Variants in CFAP251 observed in about 807,000 individuals in gnomAD.
CFAP251 encodes the protein cilia- and flagella-associated protein 251.
CFAP251 carries 93 observed loss-of-function variants against 126.7 expected under a neutral mutation model. The ratio of observed to expected loss-of-function variants is 0.73; its 90% confidence interval spans 0.62 to 0.87. The LOEUF (loss-of-function observed/expected upper bound fraction) is 0.87, where lower values mean the gene tolerates loss of function less well. Among genes scored for constraint, CFAP251 ranks in the 40% least tolerant of loss-of-function variants. CFAP251 has a pLI of 0.00. For missense variants in CFAP251, 1,287 were observed against 1,389.2 expected (o/e 0.93, Z 1.17); for synonymous variants, 503 against 506.9 (o/e 0.99, Z 0.10).
intron 19 of CFAP251, among the ~76,000 whole-genome samples, chr12:121,979,772 G>A (rs1366330467): frequency 6.6e-6 from 1 of 151,908 alleles, no homozygotes; most frequent in African/African-American, 2.4e-5. Context: ...CACCATGTTG[G>A]CCAGGCTGGT....
chr12:121,978,381 A>G (rs1171526286), intron 19 of CFAP251, among the ~76,000 whole-genome samples: 358 of 132,974 alleles, frequency 2.7e-3, no homozygotes, highest in Middle Eastern at 7.6e-3. Flanking sequence ...GCGACAGAGC[A>G]AGACTCTGTC....
At chr12:121,943,569 C>T (rs1305945337) in intron 7 of CFAP251, among the ~76,000 whole-genome samples, 6 of 151,874 alleles carry the variant, frequency 4.0e-5, no homozygotes, top group Non-Finnish European at 5.9e-5. Context: ...ATTACAGGCA[C>T]GTGCCACCAC....
intron 14 of CFAP251, 89 bp downstream of exon 14, chr12:121,960,847 C>A: frequency 2.1e-6 from 3 of 1,435,208 alleles, no homozygotes; most frequent in Non-Finnish European, 2.9e-6. Flanking sequence ...GCCAGGCCCA[C>A]AGTACGTGTG....
chr12:121,919,817 G>A (rs1880082233), intron 1 of CFAP251, among the ~76,000 whole-genome samples: 1 of 152,186 alleles, frequency 6.6e-6, no homozygotes, highest in East Asian at 1.9e-4. Flanking sequence ...AGGCTACAAG[G>A]TGTTTATTCC....
At chr12:121,961,842 G>A in intron 14 of CFAP251, 136 bp from the exon 15 acceptor site, 2 of 841,280 alleles carry the variant, frequency 2.4e-6, no homozygotes, top group Non-Finnish European at 3.7e-6. Flanking sequence ...TCTCTTAGGA[G>A]ACCTGATACC....
At chr12:121,933,586 G>A (rs1268234721) in intron 4 of CFAP251, 1 of 152,512 alleles carries the variant, frequency 6.6e-6, no homozygotes, top group Non-Finnish European at 1.5e-5. Flanking sequence ...AGGAGGCTGA[G>A]GTGGGTATAT....
At chr12:121,968,917 A>G in intron 17 of CFAP251, 1 of 985,404 alleles carries the variant, frequency 1.0e-6, no homozygotes, top group Non-Finnish European at 1.2e-6. Context: ...AATCTTCCCT[A>G]ATAAAGAGGG....
At chr12:121,942,844 C>T in intron 6 of CFAP251, 51 bp from the exon 7 acceptor site, 3 of 1,597,912 alleles carry the variant, frequency 1.9e-6, no homozygotes, top group Non-Finnish European at 2.6e-6. Context: ...TAAGTTACTT[C>T]AGCAGACTTC....
intron 19 of CFAP251, among the ~76,000 whole-genome samples, chr12:121,979,598 T>C (rs1882567049): frequency 1.9e-5 from 2 of 105,698 alleles, no homozygotes; most frequent in Non-Finnish European, 1.9e-5. Context: ...AGCATCTTGC[T>C]CTGTCACGCA....
At chr12:121,976,641 C>T (rs1380951696) in intron 19 of CFAP251, among the ~76,000 whole-genome samples, 1 of 152,146 alleles carries the variant, frequency 6.6e-6, no homozygotes, top group Non-Finnish European at 1.5e-5. Flanking sequence ...TGTGGCAGCT[C>T]ACGCCTATAA....
chr12:121,986,676 G>A (rs998084077), intron 19 of CFAP251, among the ~76,000 whole-genome samples: 2 of 150,652 alleles, frequency 1.3e-5, no homozygotes, highest in Admixed American at 1.3e-4. Flanking sequence ...GAGGTGGGAG[G>A]ATCACATGAG....
At chr12:121,964,698 G>A (rs1592990409) in intron 15 of CFAP251, among the ~76,000 whole-genome samples, 1 of 151,794 alleles carries the variant, frequency 6.6e-6, no homozygotes, top group Non-Finnish European at 1.5e-5. Context: ...TCAGGAGTTC[G>A]AGACCAGCCT....
chr12:121,998,481 A>G (rs1194292634), intron 19 of CFAP251: 3 of 68,436 alleles, frequency 4.4e-5, no homozygotes, highest in South Asian at 1.0e-3. Flanking sequence ...ATATATATAT[A>G]TATATATGAT....
Position 121,953,673 on chromosome 12 carries a change from A to G in CFAP251, c.1321-447A>G, listed in dbSNP as rs183824322. ...TAGAGAATCGGGCAGCATAGAGAAT[A>G]GGGCATTTCTATGTACAGTGCTTAA... is the stretch of plus-strand genomic sequence containing the variant. On this transcript the variant is annotated intron_variant, in intron 9 of 21. Coordinates refer to ENST00000288912, the MANE Select transcript of CFAP251 (RefSeq NM_144668.6). The G allele has an allele frequency of 9.4e-4, 153 of 162,666 alleles. 2 individuals carry two copies. The East Asian group carries it at 0.024, about 26-fold the overall frequency. The allele number at this position is 162,666 out of a possible 1,614,324, so 10.1% of individuals were successfully genotyped here.
chr12:121,977,799 C>CA (rs533109011), intron 19 of CFAP251, among the ~76,000 whole-genome samples: 26 of 136,002 alleles, frequency 1.9e-4, no homozygotes, highest in African/African-American at 3.8e-4. Flanking sequence ...ATGAAAAATA[C>CA]AAAAAAAAAA....
At chr12:121,934,876 A>G (rs1481087902) in intron 5 of CFAP251, among the ~76,000 whole-genome samples, 1 of 152,212 alleles carries the variant, frequency 6.6e-6, no homozygotes, top group Non-Finnish European at 1.5e-5. Flanking sequence ...GCGCAATCAT[A>G]GCTCATTGCA....
At chr12:121,993,745 G>A (rs1882940867) in intron 19 of CFAP251, among the ~76,000 whole-genome samples, 1 of 151,324 alleles carries the variant, frequency 6.6e-6, no homozygotes, top group African/African-American at 2.4e-5. Context: ...CACCCCGTCT[G>A]AGAAGTGAGG....
chr12:121,937,105 C>T (rs1459247554), intron 5 of CFAP251, among the ~76,000 whole-genome samples: 1 of 152,174 alleles, frequency 6.6e-6, no homozygotes, highest in Non-Finnish European at 1.5e-5. Context: ...AACAAATTAC[C>T]TCAAACGATT....
In CFAP251 at chr12:122,003,787, A is replaced by T; in HGVS notation, c.*23A>T. 1 of 1,580,990 alleles carries T rather than the reference A, an allele frequency of 6.3e-7. No homozygotes were observed. The highest frequency in any genetic ancestry group is 2.3e-5 in the East Asian group (1 of 43,646). On this transcript the variant is annotated 3_prime_UTR_variant, in exon 22 of 22. Coordinates refer to ENST00000288912, the MANE Select transcript of CFAP251 (RefSeq NM_144668.6). ...TGAAGTTACCAGGAATGTTTAAAGC[A>T]CAAAGGACTTTGGGTGTGTGTGCAT...
Sources: gnomAD v4.1 joint callset for allele counts (sites outside exome capture counted in the v4.1 genomes callset) on GRCh38, gnomAD v4.1.1 for gene constraint, MANE v1.5 for transcripts, NCBI Gene and HGNC (gene_info 2026-07-23, HGNC 2026-07-21) for gene names.